Variants in GGCX observed in about 807,000 individuals in gnomAD.
GGCX encodes the protein gamma-glutamyl carboxylase, also known as vitamin K-dependent gamma-carboxylase.
Under a neutral mutation model 88.5 loss-of-function variants are expected in GGCX, and 63 were observed. The observed-to-expected ratio is 0.71, with a 90% CI of 0.58 to 0.88. The LOEUF (loss-of-function observed/expected upper bound fraction) is 0.88. GGCX is among the 40% of genes least tolerant of loss of function. The pLI is 0.00. For missense variants in GGCX, 805 were observed against 932.9 expected, an observed-to-expected ratio of 0.86 and a Z score of 1.79; for synonymous variants, 368 against 365.8, an observed-to-expected ratio of 1.01 and a Z score of -0.07.
Position 85,547,060 on chromosome 2 carries a change from G to A in GGCX, c.*2874C>T, listed in dbSNP as rs1000058455. On this transcript the variant is annotated 3_prime_UTR_variant, in exon 15 of 15. Coordinates refer to ENST00000233838, the MANE Select transcript of GGCX (RefSeq NM_000821.7). ...GATAGTGTTGTCCTGCCCAGCCTAG[G>A]GGAAAAGTATCCTGAAGGTTAATAA... The A allele has an allele frequency of 6.6e-6, 1 of 152,214 alleles. No homozygotes were observed. The highest frequency in any genetic ancestry group is 2.4e-5 in the African/African-American group (1 of 41,450). 9.4% of individuals were successfully genotyped at this position (152,214 alleles called of 1,614,324 possible). A position where few individuals can be genotyped will look rare whatever the true frequency, so the allele number is the denominator to read the frequency against.
At position 85,548,239 on chromosome 2, in the gene GGCX, A is replaced by T. The variant is rs150994048; in HGVS notation, c.*1695T>A. 5.2e-4 allele frequency: 79 copies of T among 152,240 alleles called. No individual in the cohort carries two copies. The highest frequency in any genetic ancestry group is 1.7e-3 in the African/African-American group (72 of 41,530). 9.4% of individuals were successfully genotyped at this position (152,240 alleles called of 1,614,324 possible). A position where few individuals can be genotyped will look rare whatever the true frequency, so the allele number is the denominator to read the frequency against. On this transcript the variant is annotated 3_prime_UTR_variant, in exon 15 of 15. Transcript: ENST00000233838. ...AAGAGGTATCCAGGAGGTAAAATTG[A>T]TGGGACTTGGCAATTTTAAGAAATG... is the stretch of plus-strand genomic sequence containing the variant.
rs1221940967 is a variant in GGCX, at chr2:85,549,258, ATG to A, written c.*674_*675del. 1 of 152,694 alleles carries A rather than the reference ATG, an allele frequency of 6.5e-6. No individual in the cohort carries two copies. The highest frequency in any genetic ancestry group is 1.5e-5 in the Non-Finnish European group (1 of 68,408). The allele number at this position is 152,694 out of a possible 1,614,324, so 9.5% of individuals were successfully genotyped here. A position where few individuals can be genotyped will look rare whatever the true frequency, so the allele number is the denominator to read the frequency against. ...GCAAATTATTTTACCTCTCAGCCTA[ATG>A]TAATAATGCAGGTAACACTGCTCAC... On this transcript the variant is annotated 3_prime_UTR_variant, in exon 15 of 15. Coordinates refer to ENST00000233838, the MANE Select transcript of GGCX (RefSeq NM_000821.7).
Position 85,549,643 on chromosome 2 carries a change from G to C in GGCX, c.*291C>G. The C allele has an allele frequency of 2.5e-6, 1 of 393,680 alleles. No homozygotes were observed. Among genetic ancestry groups the C allele is most frequent in the Admixed American group, 3.8e-5 (1 of 26,146 alleles). The allele number at this position is 393,680 out of a possible 1,614,324, so 24.4% of individuals were successfully genotyped here. A position where few individuals can be genotyped will look rare whatever the true frequency, so the allele number is the denominator to read the frequency against. On this transcript the variant is annotated 3_prime_UTR_variant, in exon 15 of 15. Transcript: ENST00000233838. ...CCCAAAATGCTGGGATTACAGGCGT[G>C]AGCCACGGCACCCAGCCCCCAAAAA...
In GGCX at chr2:85,553,394, C is replaced by A; in HGVS notation, c.993G>T (p.Leu331Phe). Residue 331 changes from leucine (L) to phenylalanine (F), a missense_variant, in exon 8 of 15, where the codon TTG becomes TTT. Coordinates refer to ENST00000233838, the MANE Select transcript of GGCX (RefSeq NM_000821.7). ...SYCPRRLQQL[L>F]PLKAAPQPSV... ...TGGGCTGAGGGGCTGCCTTGAGGGGCAACAGTTGTTGCAACCTTCGGGGGC... is the reference window on the plus strand; with the variant it reads ...TGGGCTGAGGGGCTGCCTTGAGGGGAAACAGTTGTTGCAACCTTCGGGGGC... 1 of 1,614,192 alleles carries A rather than the reference C, an allele frequency of 6.2e-7. No individual in the cohort carries two copies. The highest frequency in any genetic ancestry group is 8.5e-7 in the Non-Finnish European group (1 of 1,180,028).
Position 85,553,503 on chromosome 2 carries a change from A to C in GGCX, c.890-6T>G. ...CATGACGTAGGAGAACATACCTAGG[A>C]AAGCAGGGAGAAAATACATATTTCA... On this transcript the variant is annotated splice_polypyrimidine_tract_variant and splice_region_variant and intron_variant, in intron 7 of 14. Coordinates refer to ENST00000233838, the MANE Select transcript of GGCX (RefSeq NM_000821.7). 1.9e-6 allele frequency: 3 copies of C among 1,613,332 alleles called. No individual in the cohort carries two copies. Among genetic ancestry groups the C allele is most frequent in the Non-Finnish European group, 2.5e-6 (3 of 1,179,950 alleles).
rs1573320845 is a variant in GGCX at position 85,551,910 on chromosome 2, G to C, written c.1511C>G (p.Pro504Arg). ...CCAGGGAGACAGGTCCATCAAGAGT[G>C]GTTGCACCCAGGATGTGCGCTGAAA... ...SPFQRTSWVQPLLMDLSPWRA... is the reference protein window; with the variant it reads ...SPFQRTSWVQRLLMDLSPWRA... The change falls in exon 11 of 15, where the codon CCA becomes CGA. Residue 504 changes from proline to arginine, a missense_variant. By Grantham distance (103) the Pro-to-Arg change is moderately radical. Coordinates refer to ENST00000233838, the MANE Select transcript of GGCX (RefSeq NM_000821.7). The C allele has an allele frequency of 6.2e-7, 1 of 1,613,382 alleles. No individual in the cohort carries two copies. Among genetic ancestry groups the C allele is most frequent in the East Asian group, 2.2e-5 (1 of 44,884 alleles).
chr2:85,553,031 A>ATTT lies in GGCX; in HGVS notation c.1194_1195insAAA (p.Ser398_Trp399insLys). The stretch of plus-strand genomic sequence containing the variant: ...GAGCGGGAGTGCACCATCATGTCCC[A>ATTT]GGAATAGCCATACAGCCCATTTGTC... On this transcript the variant is annotated inframe_insertion, in exon 9 of 15. Coordinates refer to ENST00000233838, the MANE Select transcript of GGCX (RefSeq NM_000821.7). 1 of 1,614,166 alleles carries ATTT rather than the reference A, an allele frequency of 6.2e-7. No individual in the cohort carries two copies. The highest frequency in any genetic ancestry group is 8.5e-7 in the Non-Finnish European group (1 of 1,179,974).
rs553300120 is a variant in GGCX, at chr2:85,557,727, C to T, written c.539+713G>A. On this transcript the variant is annotated intron_variant, in intron 4 of 14. Coordinates refer to ENST00000233838, the MANE Select transcript of GGCX (RefSeq NM_000821.7). ...TTCAAGACCAGCCTGGGCAACAAAG[C>T]GAGACCCCATCTCTATTTAAAAATA... Among the ~76,000 whole-genome samples the T allele has an allele frequency of 2.8e-4, 42 of 151,670 alleles. No homozygotes were observed. The East Asian group carries it at 3.3e-3, about 12-fold the overall frequency.
rs1248651628 is a variant in GGCX at position 85,545,700 on chromosome 2, C to T, written c.*4234G>A. On this transcript the variant is annotated 3_prime_UTR_variant, in exon 15 of 15. Coordinates refer to ENST00000233838, the MANE Select transcript of GGCX (RefSeq NM_000821.7). ...TTCAACTAAGGTTGAGGGCTTCAAACCATTGAAGGCATAAAAACCGCTAAA... is the reference window on the plus strand; with the variant it reads ...TTCAACTAAGGTTGAGGGCTTCAAATCATTGAAGGCATAAAAACCGCTAAA... 1 of 148,174 alleles carries T rather than the reference C, an allele frequency of 6.7e-6. No homozygotes were observed. The highest frequency in any genetic ancestry group is 1.5e-5 in the Non-Finnish European group (1 of 68,022). 9.2% of individuals were successfully genotyped at this position (148,174 alleles called of 1,614,324 possible). A position where few individuals can be genotyped will look rare whatever the true frequency, so the allele number is the denominator to read the frequency against.
chr2:85,553,687 C>T, intron 7 of GGCX, 190 bp from the exon 8 acceptor site: 2 of 598,012 alleles, frequency 3.3e-6, no homozygotes, highest in Non-Finnish European at 5.9e-6. Context: ...GCAACCTCTG[C>T]CTCCTGGGTT....
chr2:85,545,842 GAGA>G lies in GGCX; in HGVS notation c.*4089_*4091del, dbSNP rs1691635824. The G allele has an allele frequency of 6.6e-6, 1 of 152,196 alleles. No homozygotes were observed. The highest frequency in any genetic ancestry group is 1.5e-5 in the Non-Finnish European group (1 of 68,038). 9.4% of individuals were successfully genotyped at this position (152,196 alleles called of 1,614,324 possible). A position where few individuals can be genotyped will look rare whatever the true frequency, so the allele number is the denominator to read the frequency against. On this transcript the variant is annotated 3_prime_UTR_variant, in exon 15 of 15. Coordinates refer to ENST00000233838, the MANE Select transcript of GGCX (RefSeq NM_000821.7). The stretch of plus-strand genomic sequence containing the variant: ...TAAGGGTTGTATGATGTTTTCATCT[GAGA>G]AGTTCTGAAACGTGATTTCTAGTCA...
chr2:85,550,892 A>T, intron 13 of GGCX, 33 bp downstream of exon 13: 1 of 1,611,254 alleles, frequency 6.2e-7, no homozygotes, highest in South Asian at 1.1e-5. Flanking sequence ...TTGAAACCAG[A>T]GGCTATCTCA....
chr2:85,552,003 C>T (rs1691979591), intron 10 of GGCX, 22 bp from the exon 11 acceptor site: 1 of 1,599,308 alleles, frequency 6.3e-7, no homozygotes, highest in Non-Finnish European at 8.6e-7. Flanking sequence ...AAACCATGTT[C>T]TAAGGACATC....
rs1316639261 is a variant in GGCX at position 85,561,445 on chromosome 2, C to A, written c.-17G>T. Reference sequence around the variant, plus strand: ...CACCGCCATTGCTCTGCGGAGGAGGCAGGTGGGTCACAGCTGCCGCGTCTG... The same window carrying A: ...CACCGCCATTGCTCTGCGGAGGAGGAAGGTGGGTCACAGCTGCCGCGTCTG... On this transcript the variant is annotated 5_prime_UTR_variant, in exon 1 of 15. Transcript: ENST00000233838. 5.1e-6 allele frequency: 8 copies of A among 1,563,630 alleles called. No homozygotes were observed. Among genetic ancestry groups the A allele is most frequent in the African/African-American group, 1.3e-5 (1 of 74,458 alleles).
At chr2:85,551,259 A>G (rs1691938561) in intron 12 of GGCX, among the ~76,000 whole-genome samples, 187 bp from the exon 13 acceptor site, 1 of 152,176 alleles carries the variant, frequency 6.6e-6, no homozygotes. Context: ...GCTCCACTGC[A>G]TTACTGCTAT....
chr2:85,556,163 C>G lies in GGCX; in HGVS notation c.618+19G>C. ...CATGGCTGTCAAGGAGCTCCTCCCTCTGTCCTAAAATGCTGTACCTGGCCA... is the reference window on the plus strand; with the variant it reads ...CATGGCTGTCAAGGAGCTCCTCCCTGTGTCCTAAAATGCTGTACCTGGCCA... On this transcript the variant is annotated intron_variant, in intron 5 of 14. Transcript: ENST00000233838. 6.5e-7 allele frequency: 1 copy of G among 1,533,968 alleles called. No homozygotes were observed. The highest frequency in any genetic ancestry group is 1.7e-4 in the Middle Eastern group (1 of 5,926).
Position 85,552,930 on chromosome 2 carries a change from A to T in GGCX, c.1287+9T>A, listed in dbSNP as rs376428228. 2.4e-4 allele frequency: 384 copies of T among 1,614,136 alleles called. No individual in the cohort carries two copies. The highest frequency in any genetic ancestry group is 3.0e-4 in the Non-Finnish European group (349 of 1,179,952). ...AAGAACAGTAAATTGTCAGCATCAGACATCTCACCCCAGGGTTAAGGTAGC... is the reference window on the plus strand; with the variant it reads ...AAGAACAGTAAATTGTCAGCATCAGTCATCTCACCCCAGGGTTAAGGTAGC... On this transcript the variant is annotated intron_variant, in intron 9 of 14. Transcript: ENST00000233838.
intron 6 of GGCX, 40 bp from the exon 7 acceptor site, chr2:85,554,346 G>A (rs766316912): frequency 3.1e-6 from 5 of 1,597,226 alleles, no homozygotes; most frequent in South Asian, 1.1e-5. Flanking sequence ...CAGCCCACTG[G>A]AGAACACATC....
At chr2:85,560,591 G>A (rs774027302) in intron 2 of GGCX, among the ~76,000 whole-genome samples, 3 of 149,684 alleles carry the variant, frequency 2.0e-5, no homozygotes, top group Admixed American at 6.7e-5. Context: ...CAACAAGAGC[G>A]AAAGTCCGTC....
Sources: allele counts gnomAD v4.1 joint callset (sites outside exome capture counted in the v4.1 genomes callset), GRCh38; gene constraint gnomAD v4.1.1; transcripts MANE v1.5; gene names NCBI Gene and HGNC (gene_info 2026-07-23, HGNC 2026-07-21).